The following PANX1 variants were observed in gnomAD, a reference collection of about 807,000 sequenced individuals.
PANX1 encodes the protein pannexin 1, also known as pannexin-1.
A neutral mutation model predicts 38.7 loss-of-function variants in PANX1; 30 were observed. That is an observed-to-expected ratio of 0.78 (90% CI 0.58 to 1.05). The LOEUF (loss-of-function observed/expected upper bound fraction) is 1.05, where lower values mean the gene tolerates loss of function less well. Among genes scored for constraint, PANX1 ranks in the 50% least tolerant of loss-of-function variants. The pLI is 0.00. For synonymous variants in PANX1, 230 were observed against 212.2 expected (o/e 1.08, Z -0.73); for missense variants, 551 against 517.2 (o/e 1.07, Z -0.63).
intron 1 of PANX1, among the ~76,000 whole-genome samples, chr11:94,138,395 G>A (rs987624960): frequency 1.3e-5 from 2 of 151,884 alleles, no homozygotes; most frequent in Non-Finnish European, 2.9e-5. Context: ...TTTCTCAATG[G>A]GTTTTATTAA....
rs145383409 is a variant in PANX1 at position 94,168,680 on chromosome 11, C to A, written c.322-9689C>A. ...AAAGTTTTTTTGTCATTGCAGATCA[C>A]ATGGTCACTGTCGCAGCTACTTAGT... On this transcript the variant is annotated intron_variant, in intron 2 of 4. Coordinates refer to ENST00000227638, the MANE Select transcript of PANX1 (RefSeq NM_015368.4). Among the ~76,000 whole-genome samples the A allele has an allele frequency of 3.4e-4, 51 of 151,624 alleles. No individual in the cohort carries two copies. The East Asian group carries it at 9.7e-3, about 29-fold the overall frequency.
intron 2 of PANX1, among the ~76,000 whole-genome samples, chr11:94,176,580 C>G (rs1240304505): frequency 6.6e-6 from 1 of 151,740 alleles, no homozygotes; most frequent in Non-Finnish European, 1.5e-5. Context: ...TGGGAATGCT[C>G]TGTACATCTG....
At chr11:94,157,072 G>A (rs1290437856) in intron 2 of PANX1, among the ~76,000 whole-genome samples, 2 of 151,902 alleles carry the variant, frequency 1.3e-5, no homozygotes, top group Admixed American at 6.6e-5. Context: ...CTTTTTTATG[G>A]CTGCATAGTA....
chr11:94,141,189 G>A (rs1220619043), intron 1 of PANX1, among the ~76,000 whole-genome samples: 1 of 152,154 alleles, frequency 6.6e-6, no homozygotes, highest in Non-Finnish European at 1.5e-5. Flanking sequence ...AGGGACAAAA[G>A]TTGTGCACAT....
chr11:94,156,745 C>T (rs182989026), intron 2 of PANX1, among the ~76,000 whole-genome samples: 93 of 146,188 alleles, frequency 6.4e-4, no homozygotes, highest in African/African-American at 2.1e-3. Flanking sequence ...TTTAATTATA[C>T]TTTAAGTTTT....
At chr11:94,152,872 C>T (rs994347885) in intron 1 of PANX1, among the ~76,000 whole-genome samples, 2 of 152,174 alleles carry the variant, frequency 1.3e-5, no homozygotes, top group African/African-American at 2.4e-5. Flanking sequence ...CCCCATCTAC[C>T]GCCCATCTGC....
intron 2 of PANX1, among the ~76,000 whole-genome samples, chr11:94,164,346 A>G (rs960369003): frequency 6.6e-6 from 1 of 152,158 alleles, no homozygotes; most frequent in Non-Finnish European, 1.5e-5. Flanking sequence ...ATTGCTTTAA[A>G]CATCCCTGTT....
chr11:94,142,826 G>C (rs1008498365), intron 1 of PANX1, among the ~76,000 whole-genome samples: 40 of 152,332 alleles, frequency 2.6e-4, no homozygotes, highest in African/African-American at 8.9e-4. Context: ...CCTGTGCTCT[G>C]TTGCCCCGTG....
intron 2 of PANX1, among the ~76,000 whole-genome samples, chr11:94,155,350 C>CA (rs34215722): frequency 0.016 from 1,572 of 101,352 alleles, 30 homozygotes; most frequent in Admixed American, 0.053. Context: ...AACTCCATCT[C>CA]AAAAAAAAAA....
intron 1 of PANX1, among the ~76,000 whole-genome samples, chr11:94,135,113 GT>G (rs1349585146): frequency 6.6e-6 from 1 of 152,214 alleles, no homozygotes; most frequent in Non-Finnish European, 1.5e-5. Flanking sequence ...CTGCCAGGAT[GT>G]TTCTGGCTGG....
At chr11:94,153,765 C>T in intron 2 of PANX1, 135 bp downstream of exon 2, 1 of 792,202 alleles carries the variant, frequency 1.3e-6, no homozygotes, top group East Asian at 2.7e-5. Context: ...AACTGTAGCA[C>T]CTTATAGTCA....
Position 94,180,089 on chromosome 11 carries a change from T to C in PANX1, c.1033T>C (p.Tyr345His), listed in dbSNP as rs758131954. The change falls in exon 4 of 5, where the codon TAC (tyrosine) becomes CAC (histidine). Residue 345 changes from tyrosine (Y) to histidine (H), a missense_variant. Transcript: ENST00000227638. ...LEENISEVKS[Y>H]KCLKVLENIK... is the part of the protein sequence containing the mutation. ...GGAAAATATAAGTGAGGTCAAGTCA[T>C]ACAAGTGTCTTAAGGTACTGGAGAA... 3.1e-6 allele frequency: 5 copies of C among 1,614,060 alleles called. No homozygotes were observed. The South Asian group carries it at 3.3e-5, about 11-fold the overall frequency.
chr11:94,163,885 A>C lies in PANX1; in HGVS notation c.321+10255A>C, dbSNP rs116320433. On this transcript the variant is annotated intron_variant, in intron 2 of 4. Transcript: ENST00000227638. ...TGGGCTTTTCTTTGATGGGAGACTT[A>C]TTATTACTGCCTCTCCCTTGTTACT... Among the ~76,000 whole-genome samples the C allele has an allele frequency of 6.3e-3, 961 of 152,224 alleles. 8 individuals carry two copies. Among genetic ancestry groups the C allele is most frequent in the African/African-American group, 0.021 (881 of 41,546 alleles).
chr11:94,144,210 A>G (rs4593973), intron 1 of PANX1, among the ~76,000 whole-genome samples: 16,926 of 151,742 alleles, frequency 0.11, 981 homozygotes, highest in Admixed American at 0.14. Flanking sequence ...TCTGAAGTCA[A>G]TCCCTCTTCT....
intron 2 of PANX1, among the ~76,000 whole-genome samples, chr11:94,170,482 C>T (rs1419781832): frequency 6.6e-6 from 1 of 151,670 alleles, no homozygotes; most frequent in Admixed American, 6.6e-5. Flanking sequence ...GGTTGCTTGC[C>T]CTTATTGGCT....
At chr11:94,179,020 T>A (rs551439277) in intron 3 of PANX1, among the ~76,000 whole-genome samples, 167 of 152,314 alleles carry the variant, frequency 1.1e-3, no homozygotes, top group Non-Finnish European at 1.9e-3. Flanking sequence ...TTTCACAACC[T>A]TCTTTTGGTT....
chr11:94,149,955 A>G (rs1018728753), intron 1 of PANX1, among the ~76,000 whole-genome samples: 1 of 152,210 alleles, frequency 6.6e-6, no homozygotes, highest in Admixed American at 6.5e-5. Context: ...ATGTAGTACT[A>G]GAGGAGATAA....
intron 2 of PANX1, among the ~76,000 whole-genome samples, chr11:94,163,303 T>C (rs1947069615): frequency 6.6e-6 from 1 of 152,232 alleles, no homozygotes; most frequent in Admixed American, 6.5e-5. Context: ...CCTTGTTCCA[T>C]ATCTTAGAGG....
chr11:94,137,218 C>G (rs563694536), intron 1 of PANX1, among the ~76,000 whole-genome samples: 1 of 151,898 alleles, frequency 6.6e-6, no homozygotes, highest in Non-Finnish European at 1.5e-5. Flanking sequence ...ACAGGAGAAT[C>G]GCTTGAACGC....
Sources: allele counts gnomAD v4.1 joint callset (sites outside exome capture counted in the v4.1 genomes callset), GRCh38; gene constraint gnomAD v4.1.1; transcripts MANE v1.5; gene names NCBI Gene and HGNC (gene_info 2026-07-23, HGNC 2026-07-21).